FYN: variants seen among roughly 807,000 people sequenced by gnomAD.
FYN encodes the protein FYN proto-oncogene, Src family tyrosine kinase.
Under a neutral mutation model 70.2 loss-of-function variants are expected in FYN, and 10 were observed. That is an observed-to-expected ratio of 0.14 (90% CI 0.09 to 0.24). FYN has a LOEUF of 0.24. Among genes scored for constraint, FYN ranks in the 10% least tolerant of loss-of-function variants. FYN has a pLI of 1.00. For missense variants in FYN, 319 were observed against 673.1 expected (o/e 0.47, Z 5.82); for synonymous variants, 236 against 248.6 (o/e 0.95, Z 0.48).
chr6:111,671,630 G>A (rs994029964), intron 13 of FYN, among the ~76,000 whole-genome samples: 2 of 152,102 alleles, frequency 1.3e-5, no homozygotes, highest in Non-Finnish European at 2.9e-5. Flanking sequence ...ATGACGGACC[G>A]GGACTGGGAG....
At chr6:111,776,864 C>T (rs1180696652) in intron 3 of FYN, among the ~76,000 whole-genome samples, 1 of 152,220 alleles carries the variant, frequency 6.6e-6, no homozygotes, top group African/African-American at 2.4e-5. Flanking sequence ...CTCTCAGCGA[C>T]TCACATGTAA....
Position 111,694,477 on chromosome 6 carries a change from G to A in FYN, c.1171C>T (p.Leu391=), listed in dbSNP as rs1799486415. The change falls in exon 12 of 14, where the codon CTG becomes TTG. Residue 391 remains leucine (L), a synonymous_variant. Coordinates refer to ENST00000354650, the MANE Select transcript of FYN (RefSeq NM_002037.5). The surrounding 1 kb of genome is among the most constrained non-coding windows in gnomAD (Gnocchi z 5.0). The part of the protein sequence containing the change: ...IERMNYIHRD[L]RSANILVGNG... ...CCCACTAGAATGTTTGCTGATCGCAGATCTCTATGGATATAATTCATGCGC... is the reference window on the plus strand; with the variant it reads ...CCCACTAGAATGTTTGCTGATCGCAAATCTCTATGGATATAATTCATGCGC... The A allele has an allele frequency of 6.2e-7, 1 of 1,614,110 alleles. No homozygotes were observed. Among genetic ancestry groups the A allele is most frequent in the Non-Finnish European group, 8.5e-7 (1 of 1,180,050 alleles).
intron 1 of FYN, among the ~76,000 whole-genome samples, chr6:111,857,799 C>T (rs1296029287): frequency 1.3e-5 from 2 of 151,574 alleles, no homozygotes; most frequent in African/African-American, 2.4e-5. Flanking sequence ...TTCAAGCTGC[C>T]GGGCTGTGTC....
chr6:111,842,124 G>A (rs941650017), intron 2 of FYN, among the ~76,000 whole-genome samples: 1 of 152,162 alleles, frequency 6.6e-6, no homozygotes, highest in African/African-American at 2.4e-5. Context: ...CCCTTACTCA[G>A]TTATACACTG....
At chr6:111,843,340 T>C (rs1044348137) in intron 2 of FYN, among the ~76,000 whole-genome samples, 3 of 152,256 alleles carry the variant, frequency 2.0e-5, no homozygotes, top group African/African-American at 7.2e-5. Context: ...AAAAAGCACA[T>C]TTTTGTTCTG....
intron 3 of FYN, among the ~76,000 whole-genome samples, chr6:111,733,350 T>G (rs1801553919): frequency 6.6e-6 from 1 of 152,224 alleles, no homozygotes; most frequent in African/African-American, 2.4e-5. Context: ...CCGTGGGACC[T>G]GGACATGAAT....
chr6:111,823,466 T>G (rs575540180), intron 2 of FYN, among the ~76,000 whole-genome samples: 2 of 152,350 alleles, frequency 1.3e-5, no homozygotes, highest in African/African-American at 4.8e-5. Flanking sequence ...TACGGCTTTC[T>G]GTAAGCTTGG....
intron 3 of FYN, among the ~76,000 whole-genome samples, chr6:111,756,160 C>T (rs1802723438): frequency 6.6e-6 from 1 of 151,938 alleles, no homozygotes; most frequent in Non-Finnish European, 1.5e-5. Context: ...AATGAGAGAA[C>T]ATAACTACAG....
intron 13 of FYN, among the ~76,000 whole-genome samples, chr6:111,669,457 A>AAAAG (rs1311841006): frequency 6.6e-6 from 1 of 151,382 alleles, no homozygotes; most frequent in African/African-American, 2.4e-5. Flanking sequence ...AAAAAAAAAA[A>AAAAG]AAAGAAAGTG....
intron 1 of FYN, among the ~76,000 whole-genome samples, chr6:111,864,006 C>T (rs1205747618): frequency 2.0e-5 from 3 of 152,136 alleles, no homozygotes; most frequent in Non-Finnish European, 4.4e-5. Context: ...AGCGTTCAGC[C>T]CTGCCTGGCC....
At chr6:111,673,849 G>C (rs900442799) in intron 13 of FYN, among the ~76,000 whole-genome samples, 1 of 152,056 alleles carries the variant, frequency 6.6e-6, no homozygotes, top group African/African-American at 2.4e-5. Context: ...AGCCAAACTC[G>C]TGGTTTCTTT....
At chr6:111,870,338 T>C (rs1203152829) in intron 1 of FYN, among the ~76,000 whole-genome samples, 1 of 152,232 alleles carries the variant, frequency 6.6e-6, no homozygotes, top group Admixed American at 6.5e-5. Context: ...AGTCACTGCA[T>C]GGAGGAAAGC....
intron 2 of FYN, among the ~76,000 whole-genome samples, chr6:111,804,801 G>A (rs147785942): frequency 5.8e-4 from 89 of 152,282 alleles, no homozygotes; most frequent in African/African-American, 2.0e-3. Flanking sequence ...AATCTGCTAC[G>A]TCAGCACCAT....
At chr6:111,808,370 T>C (rs866992149) in intron 2 of FYN, among the ~76,000 whole-genome samples, 2 of 152,178 alleles carry the variant, frequency 1.3e-5, no homozygotes, top group African/African-American at 4.8e-5. Context: ...GGCTCTGTTA[T>C]ACCTAAAGGC....
chr6:111,846,927 C>T (rs967584690), intron 1 of FYN, among the ~76,000 whole-genome samples: 5 of 152,190 alleles, frequency 3.3e-5, no homozygotes, highest in Admixed American at 3.3e-4. Context: ...TACACACACA[C>T]ACACAAACAC....
intron 3 of FYN, among the ~76,000 whole-genome samples, chr6:111,745,195 C>T (rs1046822692): frequency 6.6e-6 from 1 of 152,184 alleles, no homozygotes; most frequent in Non-Finnish European, 1.5e-5. Context: ...ACTATGTATC[C>T]AAGCAGTGTG....
chr6:111,683,489 A>T (rs1798860268), intron 12 of FYN, among the ~76,000 whole-genome samples: 1 of 152,206 alleles, frequency 6.6e-6, no homozygotes, highest in Non-Finnish European at 1.5e-5. Flanking sequence ...AAGGTGGAGA[A>T]GGTGAAGTCA....
chr6:111,830,365 A>C (rs55639413), intron 2 of FYN, among the ~76,000 whole-genome samples: 1 of 152,208 alleles, frequency 6.6e-6, no homozygotes, highest in African/African-American at 2.4e-5. Context: ...CACAGTGAAT[A>C]AATTGGCAAT....
chr6:111,803,144 A>T (rs555300834), intron 2 of FYN, among the ~76,000 whole-genome samples: 1 of 152,330 alleles, frequency 6.6e-6, no homozygotes, highest in African/African-American at 2.4e-5. Flanking sequence ...CTCAAAGGCC[A>T]TTTGGAGTTC....
Sources: gnomAD v4.1 joint callset for allele counts (sites outside exome capture counted in the v4.1 genomes callset) on GRCh38, gnomAD v4.1.1 for gene constraint, Gnocchi (gnomAD v3.1) non-coding constraint, MANE v1.5 for transcripts, NCBI Gene and HGNC (gene_info 2026-07-23, HGNC 2026-07-21) for gene names.